The following DLGAP1 variants were observed in gnomAD, a reference collection of about 807,000 sequenced individuals.
DLGAP1 encodes the protein DLG associated protein 1.
In DLGAP1, 11 loss-of-function variants were observed where a neutral mutation model predicts 90.8. That is an observed-to-expected ratio of 0.12 (90% confidence interval 0.08 to 0.20). The LOEUF is 0.20. Ranked by LOEUF, DLGAP1 falls within the 10% of genes least tolerant of loss-of-function variation. DLGAP1 has a pLI of 1.00. For missense variants in DLGAP1, 1,050 were observed against 1,333.8 expected (o/e 0.79, Z 3.31); for synonymous variants, 558 against 540.7 (o/e 1.03, Z -0.44).
At chr18:3,805,368 A>G (rs2066514158) in intron 5 of DLGAP1, among the ~76,000 whole-genome samples, 1 of 152,232 alleles carries the variant, frequency 6.6e-6, no homozygotes, top group South Asian at 2.1e-4. Context: ...CCTAGACAAC[A>G]TGGGATTCAG....
At chr18:4,061,707 A>C (rs1316167027) in intron 2 of DLGAP1, among the ~76,000 whole-genome samples, 1 of 152,178 alleles carries the variant, frequency 6.6e-6, no homozygotes, top group African/African-American at 2.4e-5. Context: ...AAATTATGCA[A>C]AACTTCTATA....
chr18:3,501,899 C>T (rs1232571292), intron 12 of DLGAP1, among the ~76,000 whole-genome samples: 2 of 149,676 alleles, frequency 1.3e-5, no homozygotes, highest in Non-Finnish European at 3.0e-5. Context: ...CATGAGGACC[C>T]CAGTGAGCAA....
At chr18:4,438,582 T>C (rs114752071) in intron 1 of DLGAP1, among the ~76,000 whole-genome samples, 227 of 152,052 alleles carry the variant, frequency 1.5e-3, no homozygotes, top group African/African-American at 5.2e-3. Context: ...TCTTCATCAC[T>C]TTTATTAACC....
chr18:4,090,599 C>T (rs983794676), intron 2 of DLGAP1, among the ~76,000 whole-genome samples: 4 of 152,132 alleles, frequency 2.6e-5, no homozygotes, highest in Admixed American at 6.5e-5. Flanking sequence ...AAACAATAGA[C>T]GCTGGCAAAG....
intron 1 of DLGAP1, among the ~76,000 whole-genome samples, chr18:4,315,641 A>C (rs1406191711): frequency 6.6e-6 from 1 of 152,240 alleles, no homozygotes; most frequent in East Asian, 1.9e-4. Context: ...CTGAAGGTCA[A>C]TTAATTTTGA....
At chr18:3,958,050 T>C (rs963931820) in intron 3 of DLGAP1, among the ~76,000 whole-genome samples, 1 of 151,978 alleles carries the variant, frequency 6.6e-6, no homozygotes, top group African/African-American at 2.4e-5. Context: ...TCCACTACCA[T>C]GCCCAGCTAA....
At chr18:3,559,746 C>G (rs942657094) in intron 9 of DLGAP1, among the ~76,000 whole-genome samples, 1 of 151,802 alleles carries the variant, frequency 6.6e-6, no homozygotes, top group Non-Finnish European at 1.5e-5. Flanking sequence ...CCTCAGCCTC[C>G]CGAGTAGCTG....
chr18:3,847,427 C>T (rs2069080304), intron 4 of DLGAP1, among the ~76,000 whole-genome samples: 1 of 151,700 alleles, frequency 6.6e-6, no homozygotes, highest in African/African-American at 2.4e-5. Flanking sequence ...AGCAAGAAAA[C>T]AAATCTCCAA....
intron 1 of DLGAP1, among the ~76,000 whole-genome samples, chr18:4,382,076 C>A (rs1270865204): frequency 6.6e-6 from 1 of 152,102 alleles, no homozygotes; most frequent in Non-Finnish European, 1.5e-5. Context: ...CCCACTAGGT[C>A]CCTCCCACAA....
chr18:4,101,095 A>C (rs2143871494), intron 2 of DLGAP1, among the ~76,000 whole-genome samples: 1 of 152,300 alleles, frequency 6.6e-6, no homozygotes, highest in Non-Finnish European at 1.5e-5. Context: ...AACTTGGCTA[A>C]CTTTTTGGTG....
intron 2 of DLGAP1, among the ~76,000 whole-genome samples, chr18:4,064,492 T>A (rs1387434333): frequency 6.6e-6 from 1 of 151,388 alleles, no homozygotes; most frequent in Admixed American, 6.6e-5. Flanking sequence ...ATGAACACAA[T>A]CAGAAATGAT....
chr18:4,198,311 G>A (rs1431070577), intron 1 of DLGAP1, among the ~76,000 whole-genome samples: 2 of 152,140 alleles, frequency 1.3e-5, no homozygotes, highest in Non-Finnish European at 2.9e-5. Context: ...TGGCCTATTT[G>A]AGATTTATCT....
chr18:4,051,925 T>C (rs1405942122), intron 2 of DLGAP1, among the ~76,000 whole-genome samples: 1 of 152,128 alleles, frequency 6.6e-6, no homozygotes, highest in East Asian at 1.9e-4. Flanking sequence ...ATCCAATAGG[T>C]CAGTCATTAA....
chr18:4,191,869 T>C (rs1014021687), intron 1 of DLGAP1, among the ~76,000 whole-genome samples: 2 of 152,166 alleles, frequency 1.3e-5, no homozygotes, highest in African/African-American at 2.4e-5. Flanking sequence ...TTTCTTCTAA[T>C]GGAATGAGAG....
rs144923910 is a variant in DLGAP1 at position 4,262,904 on chromosome 18, C to T, written c.-266-111617G>A. Among the ~76,000 whole-genome samples, 296 of 152,128 alleles carry T rather than the reference C, an allele frequency of 1.9e-3. 2 individuals are homozygous for T. The highest frequency in any genetic ancestry group is 6.5e-3 in the African/African-American group (270 of 41,516). ...AGAGGTGTAACATGGTAAGTATTCA[C>T]AATATTGCCTTCTATTATTATTATT... On this transcript the variant is annotated intron_variant, in intron 1 of 12. Coordinates refer to ENST00000315677, the MANE Select transcript of DLGAP1 (RefSeq NM_004746.4).
chr18:3,584,307 A>T (rs1208278078), intron 7 of DLGAP1, among the ~76,000 whole-genome samples: 3 of 122,740 alleles, frequency 2.4e-5, no homozygotes, highest in Non-Finnish European at 3.2e-5. Context: ...CTGTGGCTCC[A>T]TCACATCAGC....
Position 3,534,467 on chromosome 18 carries a change from T to C in DLGAP1, c.2206A>G (p.Thr736Ala). ...MARQFSRDASTSTVSIQGSGN... is the reference protein window; with the variant it reads ...MARQFSRDASASTVSIQGSGN... The stretch of plus-strand genomic sequence containing the variant: ...GAGCCCTGAATGCTGACTGTGGAGG[T>C]GCTGGCATCGCGGGAGAACTGTCTG... The change falls in exon 10 of 13, where the codon ACC (threonine) becomes GCC (alanine). Residue 736 changes from threonine to alanine, a missense_variant. Around this residue, in one of 2 missense-constraint regions of DLGAP1, gnomAD observed 565 missense variants for 879.7 expected, o/e 0.64. Transcript: ENST00000315677. The C allele has an allele frequency of 6.2e-7, 1 of 1,614,056 alleles. No homozygotes were observed. Among genetic ancestry groups the C allele is most frequent in the South Asian group, 1.1e-5 (1 of 91,082 alleles).
intron 1 of DLGAP1, among the ~76,000 whole-genome samples, chr18:4,259,554 A>C (rs1598745108): frequency 6.6e-6 from 1 of 152,270 alleles, no homozygotes; most frequent in Admixed American, 6.5e-5. Context: ...GGCGAGGCTT[A>C]GTTTCTGGGT....
At chr18:3,504,037 A>C (rs763449572) in intron 11 of DLGAP1, among the ~76,000 whole-genome samples, 4 of 152,224 alleles carry the variant, frequency 2.6e-5, no homozygotes, top group Non-Finnish European at 5.9e-5. Flanking sequence ...CGGAGATTGC[A>C]GTGAGCCAAG....
Sources: gnomAD v4.1 joint callset for allele counts (sites outside exome capture counted in the v4.1 genomes callset) on GRCh38, gnomAD v4.1.1 for gene constraint, gnomAD v4.1.1 regional missense constraint, MANE v1.5 for transcripts, NCBI Gene and HGNC (gene_info 2026-07-23, HGNC 2026-07-21) for gene names.